Variants in SNTG1 observed in about 807,000 individuals in gnomAD.
SNTG1 encodes the protein syntrophin gamma 1.
SNTG1 carries 39 observed loss-of-function variants against 74.7 expected under a neutral mutation model. That is an observed-to-expected ratio of 0.52 (90% CI 0.40 to 0.68). The LOEUF is 0.68. Among genes scored for constraint, SNTG1 ranks in the 30% least tolerant of loss-of-function variants. The pLI, the probability that SNTG1 is intolerant of heterozygous loss-of-function variation, is 0.00. For missense variants in SNTG1, 685 were observed against 609.5 expected (o/e 1.12, Z -1.30); for synonymous variants, 254 against 217.1 (o/e 1.17, Z -1.49).
chr8:50,128,455 C>T lies in SNTG1; in HGVS notation c.-102-44106C>T, dbSNP rs557862535. The stretch of plus-strand genomic sequence containing the variant: ...AAGCAATTTAAAAAGCATTCATGCC[C>T]ATAGCAAAGATGCTAAAATTTGTAG... On this transcript the variant is annotated intron_variant, in intron 1 of 18. Transcript: ENST00000642720. Among the ~76,000 whole-genome samples the T allele has an allele frequency of 2.0e-5, 3 of 152,218 alleles. No homozygotes were observed. In the East Asian group the frequency reaches 5.8e-4, roughly 29 times the overall value.
At chr8:50,155,110 A>T (rs1385890182) in intron 1 of SNTG1, among the ~76,000 whole-genome samples, 2 of 152,208 alleles carry the variant, frequency 1.3e-5, no homozygotes, top group Non-Finnish European at 2.9e-5. Context: ...AGATCAATTA[A>T]TAGAGACCAA....
chr8:50,634,337 A>G (rs1037296104), intron 13 of SNTG1, among the ~76,000 whole-genome samples: 62 of 152,280 alleles, frequency 4.1e-4, no homozygotes, highest in Middle Eastern at 3.4e-3. Context: ...TTGCTGGTCA[A>G]ATTGTCTGGG....
chr8:50,003,919 T>A (rs958862678), intron 1 of SNTG1, among the ~76,000 whole-genome samples: 1 of 152,196 alleles, frequency 6.6e-6, no homozygotes. Context: ...GTGAATTTCA[T>A]TGTAGCTGAC....
chr8:49,972,722 C>G (rs1176672186), intron 1 of SNTG1, among the ~76,000 whole-genome samples: 3 of 151,998 alleles, frequency 2.0e-5, no homozygotes, highest in East Asian at 1.9e-4. Context: ...ACAGACACTT[C>G]TCAAAAGAAG....
intron 2 of SNTG1, among the ~76,000 whole-genome samples, chr8:50,255,812 C>G (rs140357842): frequency 6.6e-6 from 1 of 152,272 alleles, no homozygotes; most frequent in African/African-American, 2.4e-5. Flanking sequence ...TTCTGAAGCA[C>G]TGAGGGCTAG....
At chr8:50,510,867 C>A (rs895771704) in intron 9 of SNTG1, among the ~76,000 whole-genome samples, 1 of 152,124 alleles carries the variant, frequency 6.6e-6, no homozygotes, top group Non-Finnish European at 1.5e-5. Flanking sequence ...AAAAAACCAG[C>A]TCCTGGATTC....
Position 50,097,267 on chromosome 8 carries a change from C to T in SNTG1, c.-102-75294C>T, listed in dbSNP as rs140102045. On this transcript the variant is annotated intron_variant, in intron 1 of 18. Transcript: ENST00000642720. ...TTTTTAAAATTGCTGACATAATATTCAATTAATAATTATGTGTAGATGCTT... is the reference window on the plus strand; with the variant it reads ...TTTTTAAAATTGCTGACATAATATTTAATTAATAATTATGTGTAGATGCTT... Among the ~76,000 whole-genome samples the T allele has an allele frequency of 4.8e-3, 733 of 152,150 alleles. 9 individuals are homozygous for T. The highest frequency in any genetic ancestry group is 0.016 in the African/African-American group (677 of 41,490).
At chr8:50,184,926 T>C (rs561273878) in intron 2 of SNTG1, among the ~76,000 whole-genome samples, 2 of 152,368 alleles carry the variant, frequency 1.3e-5, no homozygotes, top group East Asian at 3.9e-4. Flanking sequence ...TCAATATTTT[T>C]ATAATATAAA....
intron 17 of SNTG1, among the ~76,000 whole-genome samples, chr8:50,738,232 T>C (rs2095533871): frequency 1.3e-5 from 2 of 152,138 alleles, no homozygotes; most frequent in Admixed American, 1.3e-4. Flanking sequence ...AAAATCAATG[T>C]ACAAATATCA....
intron 2 of SNTG1, among the ~76,000 whole-genome samples, chr8:50,283,106 C>CA (rs1271941029): frequency 6.6e-6 from 1 of 151,694 alleles, no homozygotes; most frequent in Non-Finnish European, 1.5e-5. Context: ...TCCTTGAAGC[C>CA]AAAAAATAAA....
chr8:50,788,837 C>T (rs2095683291), intron 18 of SNTG1, among the ~76,000 whole-genome samples: 1 of 151,512 alleles, frequency 6.6e-6, no homozygotes, highest in African/African-American at 2.4e-5. Flanking sequence ...TATACTGTGC[C>T]TCATCTCCTG....
At chr8:50,400,967 CAT>C (rs1256526696) in intron 3 of SNTG1, among the ~76,000 whole-genome samples, 4 of 152,026 alleles carry the variant, frequency 2.6e-5, no homozygotes, top group Non-Finnish European at 5.9e-5. Flanking sequence ...TCTCACAACA[CAT>C]ATATTATTAG....
intron 17 of SNTG1, among the ~76,000 whole-genome samples, chr8:50,748,323 T>G (rs915859787): frequency 1.3e-5 from 2 of 152,000 alleles, no homozygotes; most frequent in Non-Finnish European, 2.9e-5. Context: ...AGAACAGGCA[T>G]TTTACCAGGA....
intron 1 of SNTG1, among the ~76,000 whole-genome samples, chr8:50,116,052 G>A (rs545515685): frequency 6.6e-6 from 1 of 152,046 alleles, no homozygotes; most frequent in African/African-American, 2.4e-5. Flanking sequence ...TATGCTCAAG[G>A]CACTTTTTGA....
At chr8:50,223,671 T>A (rs1412431422) in intron 2 of SNTG1, among the ~76,000 whole-genome samples, 1 of 151,952 alleles carries the variant, frequency 6.6e-6, no homozygotes, top group Non-Finnish European at 1.5e-5. Flanking sequence ...ATACAGAAAA[T>A]ATATTTTTTC....
At chr8:50,262,890 G>C (rs944000727) in intron 2 of SNTG1, among the ~76,000 whole-genome samples, 7 of 152,172 alleles carry the variant, frequency 4.6e-5, no homozygotes, top group African/African-American at 1.7e-4. Context: ...GGAGAAGACA[G>C]AACTGTAGAG....
At chr8:50,702,702 G>A (rs1404038037) in intron 15 of SNTG1, among the ~76,000 whole-genome samples, 1 of 152,134 alleles carries the variant, frequency 6.6e-6, no homozygotes, top group Admixed American at 6.5e-5. Context: ...ATGCCTCTCA[G>A]TTAGATGGTT....
At chr8:49,991,879 G>A (rs891109219) in intron 1 of SNTG1, among the ~76,000 whole-genome samples, 1 of 152,128 alleles carries the variant, frequency 6.6e-6, no homozygotes, top group Admixed American at 6.6e-5. Context: ...AGATAGCTGT[G>A]ATGTTTGCAC....
intron 1 of SNTG1, among the ~76,000 whole-genome samples, chr8:49,951,618 G>A (rs1463745889): frequency 2.6e-5 from 4 of 151,398 alleles, no homozygotes; most frequent in Non-Finnish European, 4.4e-5. Context: ...TGGGGTGGGG[G>A]GAGCGGGGAG....
Sources: allele counts gnomAD v4.1 joint callset (sites outside exome capture counted in the v4.1 genomes callset), GRCh38; gene constraint gnomAD v4.1.1; transcripts MANE v1.5; gene names NCBI Gene and HGNC (gene_info 2026-07-23, HGNC 2026-07-21).